PDIA6: variants seen among roughly 807,000 people sequenced by gnomAD.
PDIA6 encodes protein disulfide-isomerase A6.
PDIA6 carries 29 observed loss-of-function variants against 58.4 expected under a neutral mutation model. The ratio of observed to expected loss-of-function variants is 0.50; its 90% CI spans 0.37 to 0.68. The LOEUF (loss-of-function observed/expected upper bound fraction) is 0.68, where lower values mean the gene tolerates loss of function less well. PDIA6 is among the 30% of genes least tolerant of loss of function. The probability of loss-of-function intolerance (pLI) is 0.00; values close to 1 mark genes in which losing one functional copy is unlikely to be tolerated. For missense variants in PDIA6, 480 were observed against 551.0 expected (o/e 0.87, Z 1.29); for synonymous variants, 192 against 202.6 (o/e 0.95, Z 0.44).
At chr2:10,825,114 C>T (rs527635938) in intron 1 of PDIA6, among the ~76,000 whole-genome samples, 1 of 152,304 alleles carries the variant, frequency 6.6e-6, no homozygotes, top group African/African-American at 2.4e-5. Context: ...ATGCTGGATG[C>T]TTCCTGCCCT....
At chr2:10,827,908 TA>T (rs1308235670) in intron 1 of PDIA6, among the ~76,000 whole-genome samples, 5 of 152,148 alleles carry the variant, frequency 3.3e-5, no homozygotes, top group South Asian at 2.1e-4. Flanking sequence ...TTTTTATTTT[TA>T]TTTTTTTAAT....
intron 10 of PDIA6, 46 bp downstream of exon 10, chr2:10,788,651 A>C (rs2952626): frequency 0.55 from 681,112 of 1,245,190 alleles, 191,192 homozygotes; most frequent in Middle Eastern, 0.6. Context: ...GAAAGCCTAT[A>C]ATCAGCTGTT....
intron 7 of PDIA6, among the ~76,000 whole-genome samples, chr2:10,790,357 G>A (rs1248722949): frequency 6.6e-6 from 1 of 152,140 alleles, no homozygotes; most frequent in Non-Finnish European, 1.5e-5. Context: ...ATCAATCAGG[G>A]AGTTTTAACA....
At chr2:10,816,176 G>A (rs1734409), upstream of PDIA6, among the ~76,000 whole-genome samples, 47,963 of 146,014 alleles carry the variant, frequency 0.33, 9,007 homozygotes, top group East Asian at 0.72. Context: ...TTTGCCTCCC[G>A]GGTTCAAGCT....
chr2:10,837,377 A>G (rs970364629), upstream of PDIA6: 6 of 591,406 alleles, frequency 1.0e-5, no homozygotes, highest in African/African-American at 9.3e-5. Context: ...GCAAAGATGC[A>G]CTCAATATGA....
intron 5 of PDIA6, among the ~76,000 whole-genome samples, chr2:10,792,245 C>A (rs1454053115): frequency 6.6e-6 from 1 of 152,238 alleles, no homozygotes; most frequent in Non-Finnish European, 1.5e-5. Flanking sequence ...TGTTCTAATT[C>A]AGACTCAAGT....
chr2:10,834,731 C>CTT (rs1290002894), upstream of PDIA6, among the ~76,000 whole-genome samples: 187 of 18,328 alleles, frequency 0.01, no homozygotes, highest in East Asian at 0.033. Context: ...CCCTTCCTTC[C>CTT]CTCCTTCCTT....
At position 10,794,254 on chromosome 2, in the gene PDIA6, T is replaced by C. The variant is rs576960817; in HGVS notation, c.347-1052A>G. ...TGAGGTCAGGAGTTCAAGACCATCCTGCCCAACATGGTGAAACCCTGTCTC... is the reference window on the plus strand; with the variant it reads ...TGAGGTCAGGAGTTCAAGACCATCCCGCCCAACATGGTGAAACCCTGTCTC... On this transcript the variant is annotated intron_variant, in intron 4 of 12. Transcript: ENST00000272227. 7.9e-5 allele frequency among the ~76,000 whole-genome samples: 12 copies of C among 151,878 alleles called. No individual in the cohort carries two copies. In the South Asian group the frequency reaches 2.1e-3, roughly 26 times the overall value.
At position 10,808,960 on chromosome 2, in the gene PDIA6, C is replaced by T. The variant is rs548753062; in HGVS notation, c.19+3718G>A. ...CCCGTCTCAGGATTACAGGCATCAG[C>T]CATCATGCCCGGCTAATTTTTGTAT... On this transcript the variant is annotated intron_variant, in intron 1 of 12. Coordinates refer to ENST00000272227, the MANE Select transcript of PDIA6 (RefSeq NM_005742.4). Among the ~76,000 whole-genome samples the T allele has an allele frequency of 1.0e-3, 156 of 152,228 alleles. 1 individual carries two copies. The highest frequency in any genetic ancestry group is 3.4e-3 in the African/African-American group (143 of 41,538).
intron 4 of PDIA6, among the ~76,000 whole-genome samples, chr2:10,795,488 C>CAGACGA (rs56308941): frequency 4.6e-5 from 7 of 151,506 alleles, no homozygotes; most frequent in African/African-American, 4.8e-5. Flanking sequence ...TCTTCATCTT[C>CAGACGA]AGACGAAGAC....
chr2:10,797,991 GC>G (rs1057315676), intron 2 of PDIA6, among the ~76,000 whole-genome samples: 34 of 152,182 alleles, frequency 2.2e-4, no homozygotes, highest in Non-Finnish European at 3.1e-4. Context: ...TTTGAGACCA[GC>G]CTGGCTAACA....
At chr2:10,832,591 C>G (rs1309715498), upstream of PDIA6, 1 of 191,752 alleles carries the variant, frequency 5.2e-6, no homozygotes, top group Non-Finnish European at 9.6e-6. Flanking sequence ...GACTCGTGCG[C>G]TTTTCTCTGT....
chr2:10,802,709 C>G (rs763636588), intron 1 of PDIA6, 69 bp from the exon 2 acceptor site: 52 of 1,264,284 alleles, frequency 4.1e-5, no homozygotes, highest in Non-Finnish European at 5.0e-5. Flanking sequence ...CCTGGGGAAC[C>G]AGAGTCCTCT....
At chr2:10,787,560 C>G (rs938081231) in intron 10 of PDIA6, 121 bp from the exon 11 acceptor site, 2 of 942,674 alleles carry the variant, frequency 2.1e-6, no homozygotes, top group Non-Finnish European at 3.1e-6. Flanking sequence ...CAAATAAAAA[C>G]AAAAGATGAG....
intron 1 of PDIA6, chr2:10,810,417 C>T: frequency 6.9e-7 from 1 of 1,442,412 alleles, no homozygotes; most frequent in Non-Finnish European, 9.1e-7. Context: ...CTGTTACAAG[C>T]AGGCTGCAGT....
intron 4 of PDIA6, 118 bp downstream of exon 4, chr2:10,796,963 A>G (rs1666292755): frequency 2.5e-6 from 2 of 813,100 alleles, no homozygotes; most frequent in Non-Finnish European, 4.2e-6. Context: ...TACCATTTAT[A>G]GATAATTCAG....
In PDIA6 at chr2:10,806,626, GAC is replaced by G. The variant is rs1465650513; in HGVS notation, c.20-3988_20-3987del. 8.8e-4 allele frequency among the ~76,000 whole-genome samples: 126 copies of G among 142,448 alleles called. 2 individuals carry two copies. The highest frequency in any genetic ancestry group is 1.2e-3 in the East Asian group (6 of 4,836). 93.5% of individuals were successfully genotyped at this position (142,448 alleles called of 152,430 possible). On this transcript the variant is annotated intron_variant, in intron 1 of 12. Transcript: ENST00000272227. ...AAAACCACATCTCCTAAAAAATAAA[GAC>G]AGAAAGAAAGAAAGAAAGAAAAACG...
At chr2:10,807,088 T>C (rs1188173579) in intron 1 of PDIA6, among the ~76,000 whole-genome samples, 1 of 152,160 alleles carries the variant, frequency 6.6e-6, no homozygotes, top group African/African-American at 2.4e-5. Flanking sequence ...CACATGACAA[T>C]ATACAAAAAT....
At chr2:10,825,311 T>C (rs1370442373) in intron 1 of PDIA6, among the ~76,000 whole-genome samples, 3 of 151,694 alleles carry the variant, frequency 2.0e-5, no homozygotes, top group Non-Finnish European at 2.9e-5. Context: ...TCTCTGTATA[T>C]ATATATCCTA....
Sources: gnomAD v4.1 joint callset for allele counts (sites outside exome capture counted in the v4.1 genomes callset) on GRCh38, gnomAD v4.1.1 for gene constraint, MANE v1.5 for transcripts, NCBI Gene and HGNC (gene_info 2026-07-23, HGNC 2026-07-21) for gene names.